Variants in NRXN1 observed in about 807,000 individuals in gnomAD.
NRXN1 encodes neurexin-1.
In NRXN1, 39 loss-of-function variants were observed where a neutral mutation model predicts 150.9. The observed-to-expected ratio is 0.26, with a 90% CI of 0.20 to 0.34. The LOEUF (loss-of-function observed/expected upper bound fraction) is 0.34, where lower values mean the gene tolerates loss of function less well. NRXN1 is among the 10% of genes least tolerant of loss of function. The probability of loss-of-function intolerance (pLI) is 1.00; values close to 1 mark genes in which losing one functional copy is unlikely to be tolerated. For synonymous variants in NRXN1, 924 were observed against 757.0 expected (o/e 1.22, Z -3.62); for missense variants, 1,815 against 1,949.9 (o/e 0.93, Z 1.30).
In NRXN1 at chr2:50,496,103, A is replaced by G; in HGVS notation, c.2880-8T>C. The G allele has an allele frequency of 6.3e-7, 1 of 1,584,152 alleles. No individual in the cohort carries two copies. Among genetic ancestry groups the G allele is most frequent in the Non-Finnish European group, 8.6e-7 (1 of 1,164,088 alleles). On this transcript the variant is annotated splice_region_variant and splice_polypyrimidine_tract_variant and intron_variant, in intron 14 of 22. Transcript: ENST00000401669. ...AACACGTAATGTAAGTACCTGGGAA[A>G]AAAATGAAAGAGGGGAAAGTGCCAT...
chr2:50,165,489 T>C, intron 18 of NRXN1, among the ~76,000 whole-genome samples: 1 of 152,080 alleles, frequency 6.6e-6, no homozygotes, highest in East Asian at 1.9e-4. Context: ...GGTGGGATTA[T>C]AGGTATGCAC....
In NRXN1 at chr2:50,115,771, T is replaced by C. The variant is rs114130995; in HGVS notation, c.3547-24277A>G. 4.8e-3 allele frequency among the ~76,000 whole-genome samples: 738 copies of C among 152,228 alleles called. 12 individuals are homozygous for C. The highest frequency in any genetic ancestry group is 0.046 in the South Asian group (220 of 4,834). On this transcript the variant is annotated intron_variant, in intron 18 of 22. Coordinates refer to ENST00000401669, the MANE Select transcript of NRXN1 (RefSeq NM_001330078.2). ...GTTTTATGATTCACTTATTTTTATTTAATATTTCTTCAACACTACTAGTCT... is the reference window on the plus strand; with the variant it reads ...GTTTTATGATTCACTTATTTTTATTCAATATTTCTTCAACACTACTAGTCT...
At chr2:49,977,588 G>A (rs1441099270) in intron 21 of NRXN1, among the ~76,000 whole-genome samples, 1 of 152,150 alleles carries the variant, frequency 6.6e-6, no homozygotes, top group Non-Finnish European at 1.5e-5. Flanking sequence ...CAAGGACCAA[G>A]CCCTGGGTTT....
intron 5 of NRXN1, among the ~76,000 whole-genome samples, chr2:50,761,344 T>TG (rs1253810979): frequency 6.6e-6 from 1 of 151,808 alleles, no homozygotes; most frequent in Non-Finnish European, 1.5e-5. Context: ...AATTGAATCA[T>TG]GGGGGCGAGT....
chr2:49,966,083 T>G (rs142988232), intron 21 of NRXN1, among the ~76,000 whole-genome samples: 2,633 of 152,284 alleles, frequency 0.017, 55 homozygotes, highest in Non-Finnish European at 0.023. Flanking sequence ...TAATTTTTGC[T>G]CTTTTGGCAT....
chr2:49,997,264 T>C (rs1683155566), intron 21 of NRXN1, among the ~76,000 whole-genome samples: 1 of 152,140 alleles, frequency 6.6e-6, no homozygotes. Flanking sequence ...AAGAGAATCA[T>C]TGAAGTGTGA....
chr2:50,394,620 C>G (rs13014058), intron 17 of NRXN1, among the ~76,000 whole-genome samples: 43,326 of 151,882 alleles, frequency 0.29, 6,603 homozygotes, highest in East Asian at 0.43. Context: ...ACGCCTGCTA[C>G]AGCATCCTAA....
chr2:50,645,633 G>T (rs1684712410), intron 5 of NRXN1, among the ~76,000 whole-genome samples: 1 of 151,892 alleles, frequency 6.6e-6, no homozygotes, highest in African/African-American at 2.4e-5. Context: ...GATATCTGTT[G>T]AATTAATTAT....
chr2:50,098,834 T>TTTTTTTTTTGG lies in NRXN1; in HGVS notation c.3547-7341_3547-7340insCCAAAAAAAAA, dbSNP rs1330570625. ...ATGGTTTTGTTTTTGGTTTTAGTTTTTTTTTTTTTTTTTTTTTTTTTTTTT... is the reference window on the plus strand; with the variant it reads ...ATGGTTTTGTTTTTGGTTTTAGTTTTTTTTTTTTTGGTTTTTTTTTTTTTTTTTTTTTTTTT... On this transcript the variant is annotated intron_variant, in intron 18 of 22. Coordinates refer to ENST00000401669, the MANE Select transcript of NRXN1 (RefSeq NM_001330078.2). 3.8e-3 allele frequency among the ~76,000 whole-genome samples: 20 copies of TTTTTTTTTTGG among 5,326 alleles called. 2 individuals carry two copies. In the African/African-American group the frequency reaches 0.04, roughly 11 times the overall value. 3.5% of individuals were successfully genotyped at this position (5,326 alleles called of 152,430 possible).
At chr2:50,228,953 C>G (rs1480566599) in intron 18 of NRXN1, among the ~76,000 whole-genome samples, 1 of 151,906 alleles carries the variant, frequency 6.6e-6, no homozygotes, top group East Asian at 1.9e-4. Context: ...TATAAGAATC[C>G]CTAGTTCTGG....
chr2:50,940,136 T>C (rs570521780), intron 2 of NRXN1, among the ~76,000 whole-genome samples: 17 of 152,294 alleles, frequency 1.1e-4, no homozygotes, highest in Non-Finnish European at 2.1e-4. Flanking sequence ...TTTCAATCCA[T>C]GAACTTAGAG....
intron 5 of NRXN1, among the ~76,000 whole-genome samples, chr2:50,879,205 C>A (rs1679063691): frequency 6.6e-6 from 1 of 151,894 alleles, no homozygotes; most frequent in Non-Finnish European, 1.5e-5. Context: ...TATAGAAATT[C>A]TGCCCGAGTT....
At chr2:50,872,740 G>A (rs922554304) in intron 5 of NRXN1, among the ~76,000 whole-genome samples, 1 of 151,152 alleles carries the variant, frequency 6.6e-6, no homozygotes, top group African/African-American at 2.4e-5. Flanking sequence ...ACCACTTGTG[G>A]CCAGAAGTTT....
intron 9 of NRXN1, among the ~76,000 whole-genome samples, chr2:50,547,130 C>T (rs779231272): frequency 7.9e-5 from 12 of 152,114 alleles, no homozygotes; most frequent in Non-Finnish European, 1.5e-4. Context: ...AGTTCTTAAA[C>T]TGGAACTCTA....
At position 50,257,499 on chromosome 2, in the gene NRXN1, T is replaced by C. The variant is rs187317925; in HGVS notation, c.3365-20529A>G. 3.6e-3 allele frequency among the ~76,000 whole-genome samples: 543 copies of C among 152,194 alleles called. 2 individuals carry two copies. Among genetic ancestry groups the C allele is most frequent in the African/African-American group, 0.012 (504 of 41,564 alleles). The stretch of plus-strand genomic sequence containing the variant: ...GAGATTTAAATCTTCTCCCAGCTTT[T>C]TGCCAGATTTACGGCTTGAAAATGT... On this transcript the variant is annotated intron_variant, in intron 17 of 22. Coordinates refer to ENST00000401669, the MANE Select transcript of NRXN1 (RefSeq NM_001330078.2).
intron 12 of NRXN1, among the ~76,000 whole-genome samples, chr2:50,509,441 A>G (rs550958253): frequency 6.6e-6 from 1 of 152,162 alleles, no homozygotes; most frequent in African/African-American, 2.4e-5. Context: ...TAAAGATATG[A>G]CACAGAAGAA....
At chr2:50,487,795 G>C (rs1355540211) in intron 15 of NRXN1, among the ~76,000 whole-genome samples, 1 of 152,184 alleles carries the variant, frequency 6.6e-6, no homozygotes, top group South Asian at 2.1e-4. Context: ...TTGCCCAGAT[G>C]TCAGCCTGGG....
intron 17 of NRXN1, among the ~76,000 whole-genome samples, chr2:50,392,348 C>G (rs2081771122): frequency 6.6e-6 from 1 of 152,054 alleles, no homozygotes; most frequent in Non-Finnish European, 1.5e-5. Flanking sequence ...GTTGAAATTA[C>G]TTACAGATTA....
At chr2:50,214,795 G>A (rs1314333965) in intron 18 of NRXN1, among the ~76,000 whole-genome samples, 1 of 151,930 alleles carries the variant, frequency 6.6e-6, no homozygotes, top group Admixed American at 6.6e-5. Flanking sequence ...ACATAGCTCT[G>A]TATTGCACCA....
Sources: gnomAD v4.1 joint callset for allele counts (sites outside exome capture counted in the v4.1 genomes callset) on GRCh38, gnomAD v4.1.1 for gene constraint, MANE v1.5 for transcripts, NCBI Gene and HGNC (gene_info 2026-07-23, HGNC 2026-07-21) for gene names.